CCPG1: variants seen among roughly 807,000 people sequenced by gnomAD.
CCPG1 encodes cell cycle progression protein 1.
CCPG1 carries 46 observed loss-of-function variants against 81.3 expected under a neutral mutation model. The observed-to-expected ratio is 0.57, with a 90% CI of 0.45 to 0.72. The LOEUF is 0.72. Among genes scored for constraint, CCPG1 ranks in the 30% least tolerant of loss-of-function variants. The pLI is 0.00. For synonymous variants in CCPG1, 330 were observed against 305.2 expected (o/e 1.08, Z -0.85); for missense variants, 902 against 937.6 (o/e 0.96, Z 0.50).
chr15:55,365,410 CTTTTTTTTGTTTTTTTTTTTTGTT>C (rs1442691627), intron 6 of CCPG1, 101 bp from the exon 7 acceptor site: 8 of 547,278 alleles, frequency 1.5e-5, no homozygotes, highest in South Asian at 2.5e-5. Flanking sequence ...GCTATGTAGT[CTTTTTTTTGTTTTTTTTTTTTGTT>C]TTTTTTTTGT....
At chr15:55,366,876 G>C (rs1209608941) in intron 6 of CCPG1, among the ~76,000 whole-genome samples, 2 of 152,008 alleles carry the variant, frequency 1.3e-5, no homozygotes, top group Non-Finnish European at 2.9e-5. Flanking sequence ...TGTATGGGGG[G>C]AAAAAACCAC....
intron 1 of CCPG1, among the ~76,000 whole-genome samples, chr15:55,397,402 G>A (rs1033199574): frequency 2.0e-5 from 3 of 150,656 alleles, no homozygotes; most frequent in African/African-American, 7.5e-5. Context: ...TACCTACTGG[G>A]ACAGCATTGT....
chr15:55,402,664 A>G (rs1167552888), intron 1 of CCPG1, among the ~76,000 whole-genome samples: 2 of 152,208 alleles, frequency 1.3e-5, no homozygotes, highest in East Asian at 1.9e-4. Context: ...TCTAAACTCC[A>G]TTATTTCTTT....
Position 55,359,651 on chromosome 15 carries a change from G to A in CCPG1, c.2122C>T (p.Leu708Phe), listed in dbSNP as rs62018107. Residue 708 changes from leucine (L) to phenylalanine (F), a missense_variant, in exon 8 of 9, where the codon CTT becomes TTT. Transcript: ENST00000442196. Reference sequence around the variant, plus strand: ...ACTTCATATTCCTTCATGTTTCTAAGATAATCTTTAACATCATTAACAAAG... The same window carrying A: ...ACTTCATATTCCTTCATGTTTCTAAAATAATCTTTAACATCATTAACAAAG... ...TDFVNDVKDYLRNMKEYEVDN... is the reference protein window; with the variant it reads ...TDFVNDVKDYFRNMKEYEVDN... The A allele has an allele frequency of 1.2e-6, 2 of 1,613,276 alleles. No homozygotes were observed. Among genetic ancestry groups the A allele is most frequent in the East Asian group, 2.2e-5 (1 of 44,822 alleles).
At chr15:55,365,419 G>GTTTTTTTTT (rs111247245) in intron 6 of CCPG1, 110 bp from the exon 7 acceptor site, 16 of 478,392 alleles carry the variant, frequency 3.3e-5, no homozygotes, top group Non-Finnish European at 4.1e-5. Context: ...TCTTTTTTTT[G>GTTTTTTTTT]TTTTTTTTTT....
chr15:55,375,255 C>A (rs769449636), intron 5 of CCPG1, among the ~76,000 whole-genome samples: 5 of 151,498 alleles, frequency 3.3e-5, no homozygotes, highest in Non-Finnish European at 7.4e-5. Context: ...AGGCGTGAGC[C>A]ACCACGCCCA....
chr15:55,378,685 C>T (rs763182828), intron 3 of CCPG1, among the ~76,000 whole-genome samples: 2 of 151,490 alleles, frequency 1.3e-5, no homozygotes, highest in Non-Finnish European at 2.9e-5. Flanking sequence ...CTCGCTGCAA[C>T]CTCTGCCTCC....
chr15:55,406,436 C>CTTTT lies in CCPG1; in HGVS notation c.-10+1781_-10+1784dup, dbSNP rs143238270. Among the ~76,000 whole-genome samples, 240 of 126,244 alleles carry CTTTT rather than the reference C, an allele frequency of 1.9e-3. 1 individual carries two copies. The highest frequency in any genetic ancestry group is 2.7e-3 in the Non-Finnish European group (167 of 61,592). The allele number at this position is 126,244 out of a possible 152,430, so 82.8% of individuals were successfully genotyped here. A position where few individuals can be genotyped will look rare whatever the true frequency, so the allele number is the denominator to read the frequency against. On this transcript the variant is annotated intron_variant, in intron 1 of 8. Coordinates refer to ENST00000442196, the MANE Select transcript of CCPG1 (RefSeq NM_001204450.2). Reference sequence around the variant, plus strand: ...CTTTATTTCTTTTCTTTCTTTTTCTCTTTTTTTTTTTTTGTTTTTTTTTTT... The same window carrying CTTTT: ...CTTTATTTCTTTTCTTTCTTTTTCTCTTTTTTTTTTTTTTTTTGTTTTTTTTTTT...
At chr15:55,368,035 C>T (rs963625494) in intron 6 of CCPG1, among the ~76,000 whole-genome samples, 3 of 152,122 alleles carry the variant, frequency 2.0e-5, no homozygotes, top group Admixed American at 2.0e-4. Flanking sequence ...AGACGTTTTA[C>T]AATACACAGT....
At chr15:55,377,451 C>T (rs568476068) in intron 4 of CCPG1, among the ~76,000 whole-genome samples, 1 of 152,184 alleles carries the variant, frequency 6.6e-6, no homozygotes, top group Non-Finnish European at 1.5e-5. Context: ...ACTTCTCTCA[C>T]GAGTTCCATG....
At chr15:55,366,192 T>G (rs1244176973) in intron 6 of CCPG1, among the ~76,000 whole-genome samples, 2 of 152,174 alleles carry the variant, frequency 1.3e-5, no homozygotes, top group African/African-American at 4.8e-5. Context: ...GCACTCAGCT[T>G]TGTTGTTTTG....
intron 8 of CCPG1, chr15:55,357,402 C>A: frequency 1.0e-6 from 1 of 985,456 alleles, no homozygotes; most frequent in Non-Finnish European, 1.2e-6. Flanking sequence ...ATATTGACCA[C>A]CTTCTAGCTT....
chr15:55,371,006 C>T (rs1019706653), intron 6 of CCPG1, among the ~76,000 whole-genome samples: 3 of 151,836 alleles, frequency 2.0e-5, no homozygotes, highest in Admixed American at 6.6e-5. Flanking sequence ...CCAGTTACTC[C>T]GGAGGCTGAG....
chr15:55,404,744 G>A (rs1216745491), intron 1 of CCPG1, among the ~76,000 whole-genome samples: 1 of 152,110 alleles, frequency 6.6e-6, no homozygotes, highest in Non-Finnish European at 1.5e-5. Context: ...AGACCAGCCT[G>A]GGAAACATAG....
In CCPG1 at chr15:55,356,232, A is replaced by T; in HGVS notation, c.2412T>A (p.Asp804Glu). ...ACTCAATTGTGAATCAGTATTGAGG[A>T]TCAAAAGGTAATTGCCCCAATTCTA... ...LEIELGQLPF[D>E]PQY The change falls in exon 9 of 9, where the codon GAT (aspartate) becomes GAA (glutamate). Residue 804 changes from aspartate to glutamate, a missense_variant. Asp to Glu is a conservative substitution (Grantham distance 45). Transcript: ENST00000442196. The T allele has an allele frequency of 6.5e-7, 1 of 1,533,922 alleles. No individual in the cohort carries two copies. Among genetic ancestry groups the T allele is most frequent in the Non-Finnish European group, 8.7e-7 (1 of 1,146,076 alleles).
chr15:55,392,028 TAAA>T (rs71437812), intron 1 of CCPG1, among the ~76,000 whole-genome samples: 16 of 103,938 alleles, frequency 1.5e-4, no homozygotes, highest in African/African-American at 3.1e-4. Context: ...TTCTGATTCC[TAAA>T]AAAAAAAAAA....
chr15:55,393,651 G>T (rs973634880), intron 1 of CCPG1, among the ~76,000 whole-genome samples: 11 of 152,118 alleles, frequency 7.2e-5, no homozygotes, highest in African/African-American at 2.7e-4. Flanking sequence ...TTATTTGGAT[G>T]CAAGGTCTCA....
intron 4 of CCPG1, 55 bp from the exon 5 acceptor site, chr15:55,377,205 C>G: frequency 2.4e-6 from 3 of 1,264,384 alleles, no homozygotes; most frequent in Non-Finnish European, 3.4e-6. Flanking sequence ...AAGGGTCTTA[C>G]ATTTTCTTAG....
chr15:55,405,342 A>G (rs1308300075), intron 1 of CCPG1, among the ~76,000 whole-genome samples: 1 of 151,968 alleles, frequency 6.6e-6, no homozygotes, highest in African/African-American at 2.4e-5. Context: ...AGTCTAGGCA[A>G]CAAGAGCGAA....
Sources: allele counts gnomAD v4.1 joint callset (sites outside exome capture counted in the v4.1 genomes callset), GRCh38; gene constraint gnomAD v4.1.1; transcripts MANE v1.5; gene names NCBI Gene and HGNC (gene_info 2026-07-23, HGNC 2026-07-21).